The following PAX2 variants were observed in gnomAD, a reference collection of about 807,000 sequenced individuals.
PAX2 encodes paired box protein Pax-2.
A neutral mutation model predicts 41.7 loss-of-function variants in PAX2; 9 were observed. The observed-to-expected ratio is 0.22, with a 90% CI of 0.13 to 0.38. The LOEUF is 0.38. PAX2 is among the 10% of genes least tolerant of loss of function. The pLI, the probability that PAX2 is intolerant of heterozygous loss-of-function variation, is 1.00. For synonymous variants in PAX2, 221 were observed against 212.7 expected (o/e 1.04, Z -0.34); for missense variants, 418 against 531.6 (o/e 0.79, Z 2.10).
rs983428582 is a variant in PAX2 at position 100,827,086 on chromosome 10, G to C, written c.1099G>C (p.Ala367Pro). The C allele has an allele frequency of 6.2e-7, 1 of 1,612,448 alleles. No homozygotes were observed. ...YNEAWRFSNP[A>P]LLSSPYYYSA... ...CGAGGCTTGGAGATTCAGCAACCCC[G>C]CCTTACTAAGTGAGTACGCCACCTG... The change falls in exon 9 of 10, where the codon GCC (alanine) becomes CCC (proline). Residue 367 changes from alanine (A) to proline (P), a missense_variant. Transcript: ENST00000355243. This position sits in a 1 kb window ranked among gnomAD's most constrained non-coding sequence, Gnocchi z 8.5.
chr10:100,789,814 A>G (rs1847028277), intron 5 of PAX2, among the ~76,000 whole-genome samples: 1 of 152,244 alleles, frequency 6.6e-6, no homozygotes, highest in African/African-American at 2.4e-5. Context: ...TCTTAGTTGG[A>G]TCACATATTT....
In PAX2 at chr10:100,779,593, C is replaced by A; in HGVS notation, c.496+10C>A. 1 of 1,565,424 alleles carries A rather than the reference C, an allele frequency of 6.4e-7. No individual in the cohort carries two copies. Among genetic ancestry groups the A allele is most frequent in the Non-Finnish European group, 8.7e-7 (1 of 1,151,566 alleles). On this transcript the variant is annotated intron_variant, in intron 4 of 9. Transcript: ENST00000355243. ...CCTGGCCACACCATTGGTAAGAGGGCTCAGGGAAGGGGAGGAAACCAGATC... is the reference window on the plus strand; with the variant it reads ...CCTGGCCACACCATTGGTAAGAGGGATCAGGGAAGGGGAGGAAACCAGATC...
At chr10:100,825,285 C>T (rs945397880) in intron 8 of PAX2, among the ~76,000 whole-genome samples, 8 of 152,234 alleles carry the variant, frequency 5.3e-5, no homozygotes, top group Admixed American at 6.5e-5. Flanking sequence ...GGTCAGGCTG[C>T]GGCGGGAAGC....
At chr10:100,778,767 A>G (rs1263717797) in intron 3 of PAX2, among the ~76,000 whole-genome samples, 3 of 152,172 alleles carry the variant, frequency 2.0e-5, no homozygotes, top group Non-Finnish European at 1.5e-5. Context: ...CAGACCTTTC[A>G]ACCAGGCTGG....
chr10:100,817,976 G>A (rs1316135022), intron 7 of PAX2, among the ~76,000 whole-genome samples: 4 of 152,126 alleles, frequency 2.6e-5, no homozygotes, highest in African/African-American at 9.7e-5. Context: ...TATATATTTA[G>A]GCAGCAATTA....
At chr10:100,796,912 G>A (rs1847359679) in intron 5 of PAX2, among the ~76,000 whole-genome samples, 1 of 152,172 alleles carries the variant, frequency 6.6e-6, no homozygotes, top group Admixed American at 6.5e-5. Context: ...TAACTTCTCT[G>A]AGCCTGGCTT....
At chr10:100,764,938 G>C (rs1056474709) in intron 3 of PAX2, among the ~76,000 whole-genome samples, 7 of 152,108 alleles carry the variant, frequency 4.6e-5, no homozygotes, top group Admixed American at 3.9e-4. Context: ...AACAGGAAGA[G>C]GAGGGGAAGA....
chr10:100,750,649 G>A lies in PAX2; in HGVS notation c.213-45G>A, dbSNP rs372593699. On this transcript the variant is annotated intron_variant, in intron 2 of 9. Coordinates refer to ENST00000355243, the MANE Select transcript of PAX2 (RefSeq NM_000278.5). This position sits in a 1 kb window ranked among gnomAD's most constrained non-coding sequence, Gnocchi z 4.1. ...CTGGAACCTGCAGCCCCCCTGCCCC[G>A]CCACAGTCCGCTTCTGGCTGACCCC... 1.6e-5 allele frequency: 25 copies of A among 1,564,400 alleles called. No homozygotes were observed. The highest frequency in any genetic ancestry group is 1.9e-5 in the Non-Finnish European group (22 of 1,136,834).
chr10:100,746,358 G>T, intron 1 of PAX2, 55 bp downstream of exon 1: 1 of 1,248,106 alleles, frequency 8.0e-7, no homozygotes, highest in African/African-American at 1.5e-5. Flanking sequence ...TCCCAACCCT[G>T]TCCAGTCCCA....
In PAX2 at chr10:100,748,452, T is replaced by A; in HGVS notation, c.44-1294T>A. On this transcript the variant is annotated intron_variant, in intron 1 of 9. Coordinates refer to ENST00000355243, the MANE Select transcript of PAX2 (RefSeq NM_000278.5). The surrounding 1 kb of genome is among the most constrained non-coding windows in gnomAD (Gnocchi z 5.0). ...CCCCGAGAAAGGGAGGGGAGAGAAA[T>A]GAGGGGGGCACAGATGTCCCCGCTT... The A allele has an allele frequency of 2.0e-6, 2 of 981,998 alleles. No homozygotes were observed. Among genetic ancestry groups the A allele is most frequent in the Non-Finnish European group, 2.4e-6 (2 of 829,274 alleles). The allele number at this position is 981,998 out of a possible 1,614,324, so 60.8% of individuals were successfully genotyped here.
chr10:100,782,695 C>T (rs2902397), intron 5 of PAX2, among the ~76,000 whole-genome samples: 41 of 152,268 alleles, frequency 2.7e-4, no homozygotes, highest in African/African-American at 9.2e-4. Context: ...CTCCTTCTTC[C>T]AAAATATCCA....
At chr10:100,795,847 C>A (rs1460719663) in intron 5 of PAX2, among the ~76,000 whole-genome samples, 1 of 152,264 alleles carries the variant, frequency 6.6e-6, no homozygotes, top group Non-Finnish European at 1.5e-5. Context: ...TGCCCTCCTA[C>A]TGGGCTCAGT....
intron 7 of PAX2, among the ~76,000 whole-genome samples, chr10:100,818,562 A>G (rs1202174168): frequency 1.3e-5 from 2 of 152,166 alleles, no homozygotes; most frequent in Non-Finnish European, 1.5e-5. Flanking sequence ...GTCATGTACC[A>G]TCTACACAGA....
intron 1 of PAX2, among the ~76,000 whole-genome samples, chr10:100,738,817 A>AT (rs1240602262): frequency 6.6e-6 from 1 of 152,048 alleles, no homozygotes. Flanking sequence ...AAACCAAAGC[A>AT]TTTTTTCCAG....
chr10:100,805,240 T>C (rs577543418), intron 5 of PAX2, among the ~76,000 whole-genome samples: 6 of 152,198 alleles, frequency 3.9e-5, no homozygotes, highest in Non-Finnish European at 8.8e-5. Flanking sequence ...AATGATACTG[T>C]ATGGTGTTAC....
At position 100,749,245 on chromosome 10, in the gene PAX2, G is replaced by A. The variant is rs2133831783; in HGVS notation, c.44-501G>A. 3 of 993,224 alleles carry A rather than the reference G, an allele frequency of 3.0e-6. No homozygotes were observed. The South Asian group carries it at 1.4e-4, about 46-fold the overall frequency. 61.5% of individuals were successfully genotyped at this position (993,224 alleles called of 1,614,324 possible). A position where few individuals can be genotyped will look rare whatever the true frequency, so the allele number is the denominator to read the frequency against. On this transcript the variant is annotated intron_variant, in intron 1 of 9. Coordinates refer to ENST00000355243, the MANE Select transcript of PAX2 (RefSeq NM_000278.5). Reference sequence around the variant, plus strand: ...TGTCAGGCACTTATCCCCTGTCTGTGCTAGGAGCTCGGATAAACAGTCAGC... The same window carrying A: ...TGTCAGGCACTTATCCCCTGTCTGTACTAGGAGCTCGGATAAACAGTCAGC...
intron 3 of PAX2, among the ~76,000 whole-genome samples, chr10:100,758,789 T>C (rs944360771): frequency 6.6e-6 from 1 of 152,244 alleles, no homozygotes; most frequent in Non-Finnish European, 1.5e-5. Flanking sequence ...TTGGTTGACC[T>C]GACTGGATGG....
intron 7 of PAX2, among the ~76,000 whole-genome samples, chr10:100,816,635 C>CT (rs1848194581): frequency 6.6e-6 from 1 of 152,220 alleles, no homozygotes; most frequent in African/African-American, 2.4e-5. Context: ...AGACCCCCCA[C>CT]TTTTTTCCCA....
At chr10:100,807,237 G>A (rs903506497) in intron 6 of PAX2, among the ~76,000 whole-genome samples, 14 of 152,082 alleles carry the variant, frequency 9.2e-5, no homozygotes, top group African/African-American at 1.9e-4. Flanking sequence ...AACCATCTCC[G>A]AACTTTTCTA....
Sources: gnomAD v4.1 joint callset for allele counts (sites outside exome capture counted in the v4.1 genomes callset) on GRCh38, gnomAD v4.1.1 for gene constraint, Gnocchi (gnomAD v3.1) non-coding constraint, MANE v1.5 for transcripts, NCBI Gene and HGNC (gene_info 2026-07-23, HGNC 2026-07-21) for gene names.